The following PAWR variants were observed in gnomAD, a reference collection of about 807,000 sequenced individuals.
The protein encoded by PAWR is pro-apoptotic WT1 regulator, also known as PRKC apoptosis WT1 regulator protein.
In PAWR, 23 loss-of-function variants were observed where a neutral mutation model predicts 32.0. The ratio of observed to expected loss-of-function variants is 0.72; its 90% confidence interval spans 0.52 to 1.02. The LOEUF is 1.02. Ranked by LOEUF, PAWR falls within the 50% of genes least tolerant of loss-of-function variation. The pLI, the probability that PAWR is intolerant of heterozygous loss-of-function variation, is 0.00. For synonymous variants in PAWR, 226 were observed against 187.1 expected (o/e 1.21, Z -1.70); for missense variants, 457 against 437.7 (o/e 1.04, Z -0.39).
intron 4 of PAWR, among the ~76,000 whole-genome samples, chr12:79,605,094 T>C (rs2136685547): frequency 6.6e-6 from 1 of 152,290 alleles, no homozygotes; most frequent in Non-Finnish European, 1.5e-5. Flanking sequence ...TTGTAATATG[T>C]TCTCTCCTCC....
intron 2 of PAWR, among the ~76,000 whole-genome samples, chr12:79,643,539 C>T (rs1419175201): frequency 6.6e-6 from 1 of 152,110 alleles, no homozygotes; most frequent in Non-Finnish European, 1.5e-5. Context: ...AAAATGTCTA[C>T]TAGCAGAGTT....
rs775684294 is a variant in PAWR at position 79,592,559 on chromosome 12, T to A, written c.*48A>T. 1 of 738,694 alleles carries A rather than the reference T, an allele frequency of 1.4e-6. No individual in the cohort carries two copies. Among genetic ancestry groups the A allele is most frequent in the South Asian group, 1.5e-5 (1 of 67,190 alleles). The allele number at this position is 738,694 out of a possible 1,614,324, so 45.8% of individuals were successfully genotyped here. Reference sequence around the variant, plus strand: ...ATTGTGCTAGCATTGACCATTAACATTCAATCAGTAGTTTAAAATATTTTT... The same window carrying A: ...ATTGTGCTAGCATTGACCATTAACAATCAATCAGTAGTTTAAAATATTTTT... On this transcript the variant is annotated 3_prime_UTR_variant, in exon 7 of 7. Coordinates refer to ENST00000328827, the MANE Select transcript of PAWR (RefSeq NM_002583.4).
At chr12:79,664,747 C>G (rs1448600834) in intron 2 of PAWR, among the ~76,000 whole-genome samples, 2 of 151,540 alleles carry the variant, frequency 1.3e-5, no homozygotes. Context: ...CCTGCCTCAG[C>G]CTCCCAAGTA....
chr12:79,671,123 TAA>T (rs80196711), intron 2 of PAWR, among the ~76,000 whole-genome samples: 21 of 98,972 alleles, frequency 2.1e-4, no homozygotes, highest in Non-Finnish European at 3.2e-4. Flanking sequence ...CCTTAGCACT[TAA>T]AAAAAAAAAA....
At chr12:79,608,224 A>G (rs555257310) in intron 4 of PAWR, among the ~76,000 whole-genome samples, 54 of 152,288 alleles carry the variant, frequency 3.5e-4, no homozygotes, top group Non-Finnish European at 6.9e-4. Flanking sequence ...GTTGAGAACT[A>G]AAGTTCTTAA....
At chr12:79,630,292 G>C (rs1038212508) in intron 2 of PAWR, among the ~76,000 whole-genome samples, 2 of 143,076 alleles carry the variant, frequency 1.4e-5, no homozygotes, top group Non-Finnish European at 2.9e-5. Context: ...GAAAAACTTT[G>C]TGCCACTAAT....
intron 3 of PAWR, among the ~76,000 whole-genome samples, chr12:79,614,063 T>C (rs150608364): frequency 0.015 from 1,920 of 131,448 alleles, 24 homozygotes; most frequent in Non-Finnish European, 0.023. Context: ...CAGGCTACAG[T>C]GCAATGGTGT....
Position 79,684,918 on chromosome 12 carries a change from A to G in PAWR, c.516+4811T>C, listed in dbSNP as rs569388581. ...ACGCACAAGACTGTGAGTGCAAACT[A>G]TCTCTAATCTACTTCTCACTACATG... is the stretch of plus-strand genomic sequence containing the variant. On this transcript the variant is annotated intron_variant, in intron 2 of 6. Transcript: ENST00000328827. Among the ~76,000 whole-genome samples, 55 of 152,344 alleles carry G rather than the reference A, an allele frequency of 3.6e-4. No individual in the cohort carries two copies. In the South Asian group the frequency reaches 0.011, roughly 31 times the overall value.
At chr12:79,625,854 G>A (rs537657976) in intron 2 of PAWR, among the ~76,000 whole-genome samples, 2 of 150,064 alleles carry the variant, frequency 1.3e-5, no homozygotes, top group South Asian at 4.2e-4. Context: ...CAGACGGGTG[G>A]AAGCAGATTA....
intron 2 of PAWR, among the ~76,000 whole-genome samples, chr12:79,657,576 G>A (rs1462760071): frequency 6.6e-6 from 1 of 152,134 alleles, no homozygotes; most frequent in Admixed American, 6.5e-5. Context: ...CGGATCACAA[G>A]GTCAGAAGAC....
At position 79,626,191 on chromosome 12, in the gene PAWR, C is replaced by CAT. The variant is rs1238739766; in HGVS notation, c.517-4986_517-4985dup. Among the ~76,000 whole-genome samples, 388 of 137,016 alleles carry CAT rather than the reference C, an allele frequency of 2.8e-3. 9 individuals carry two copies. Among genetic ancestry groups the CAT allele is most frequent in the Middle Eastern group, 7.6e-3 (2 of 264 alleles). 89.9% of individuals were successfully genotyped at this position (137,016 alleles called of 152,430 possible). On this transcript the variant is annotated intron_variant, in intron 2 of 6. Transcript: ENST00000328827. ...AAAAAAAAAAAAAAAAAAAAGAATA[C>CAT]ATATATATATAAAATGAAGAATTAA... is the stretch of plus-strand genomic sequence containing the variant.
At chr12:79,644,294 A>G (rs2136781183) in intron 2 of PAWR, among the ~76,000 whole-genome samples, 1 of 152,298 alleles carries the variant, frequency 6.6e-6, no homozygotes, top group Middle Eastern at 3.4e-3. Flanking sequence ...CAACTTTGAC[A>G]TTTACTGAAA....
At chr12:79,686,561 G>A (rs570009153) in intron 2 of PAWR, among the ~76,000 whole-genome samples, 2 of 152,228 alleles carry the variant, frequency 1.3e-5, no homozygotes, top group Middle Eastern at 3.4e-3. Context: ...AAGAGGGCAC[G>A]GAATTGAATT....
At chr12:79,659,567 A>AATTT (rs547417418) in intron 2 of PAWR, among the ~76,000 whole-genome samples, 268 of 152,302 alleles carry the variant, frequency 1.8e-3, no homozygotes, top group Middle Eastern at 0.01. Context: ...ACCCCTAAAT[A>AATTT]AGGCTAAAGT....
chr12:79,665,497 C>A (rs960186236), intron 2 of PAWR, among the ~76,000 whole-genome samples: 1 of 152,074 alleles, frequency 6.6e-6, no homozygotes, highest in Non-Finnish European at 1.5e-5. Context: ...TCTATTGTAT[C>A]ATAAAAATTC....
intron 2 of PAWR, among the ~76,000 whole-genome samples, chr12:79,689,469 C>T (rs1232876262): frequency 6.6e-6 from 1 of 152,168 alleles, no homozygotes; most frequent in Non-Finnish European, 1.5e-5. Flanking sequence ...TGTCTTTCTA[C>T]CACGGTAAAA....
chr12:79,609,614 G>T lies in PAWR; in HGVS notation c.683+3961C>A, dbSNP rs542720683. 4.5e-4 allele frequency among the ~76,000 whole-genome samples: 69 copies of T among 152,148 alleles called. No homozygotes were observed. The South Asian group carries it at 0.014, about 31-fold the overall frequency. On this transcript the variant is annotated intron_variant, in intron 4 of 6. Transcript: ENST00000328827. ...AGAAGCAGTTTGACTTCAGAGTAATGGCTTGACAATGCTGCACCAGGGAAA... is the reference window on the plus strand; with the variant it reads ...AGAAGCAGTTTGACTTCAGAGTAATTGCTTGACAATGCTGCACCAGGGAAA...
At chr12:79,651,290 A>C (rs1876832770) in intron 2 of PAWR, among the ~76,000 whole-genome samples, 1 of 152,260 alleles carries the variant, frequency 6.6e-6, no homozygotes, top group African/African-American at 2.4e-5. Flanking sequence ...CAAGATGAAA[A>C]GGCAATTCAG....
At chr12:79,632,698 G>A (rs1875767088) in intron 2 of PAWR, among the ~76,000 whole-genome samples, 1 of 151,598 alleles carries the variant, frequency 6.6e-6, no homozygotes, top group Non-Finnish European at 1.5e-5. Context: ...TAGCAAAGAT[G>A]TCATGAAGAT....
Sources: gnomAD v4.1 joint callset for allele counts (sites outside exome capture counted in the v4.1 genomes callset) on GRCh38, gnomAD v4.1.1 for gene constraint, MANE v1.5 for transcripts, NCBI Gene and HGNC (gene_info 2026-07-23, HGNC 2026-07-21) for gene names.